Variants in ITGA2 observed in about 807,000 individuals in gnomAD.
ITGA2 encodes the protein integrin subunit alpha 2.
ITGA2 carries 101 observed loss-of-function variants against 146.3 expected under a neutral mutation model. The observed-to-expected ratio is 0.69, with a 90% CI of 0.59 to 0.81. ITGA2 has a LOEUF of 0.81. ITGA2 is among the 40% of genes least tolerant of loss of function. The pLI, the probability that ITGA2 is intolerant of heterozygous loss-of-function variation, is 0.00. For synonymous variants in ITGA2, 477 were observed against 487.1 expected (o/e 0.98, Z 0.27); for missense variants, 1,281 against 1,402.7 (o/e 0.91, Z 1.39).
chr5:52,995,216 C>A (rs1741176185), intron 1 of ITGA2, among the ~76,000 whole-genome samples: 3 of 152,092 alleles, frequency 2.0e-5, no homozygotes, highest in Admixed American at 2.0e-4. Context: ...TGATATAGAG[C>A]AGGGGTTTTA....
chr5:53,065,610 A>T (rs1356973607), intron 14 of ITGA2, among the ~76,000 whole-genome samples: 1 of 151,870 alleles, frequency 6.6e-6, no homozygotes, highest in African/African-American at 2.4e-5. Context: ...TCACTGGTTT[A>T]TGATTTTTTA....
chr5:53,072,186 A>G (rs1745430605), intron 18 of ITGA2, 138 bp downstream of exon 18: 4 of 708,926 alleles, frequency 5.6e-6, no homozygotes, highest in Non-Finnish European at 1.0e-5. Flanking sequence ...ATATGCATAA[A>G]GTTCACTAAC....
intron 2 of ITGA2, among the ~76,000 whole-genome samples, chr5:53,027,530 C>G (rs2111819323): frequency 6.6e-6 from 1 of 152,288 alleles, no homozygotes; most frequent in Admixed American, 6.5e-5. Flanking sequence ...AAATCTAGTT[C>G]CCATAATACT....
At chr5:53,064,493 T>C (rs1745056694) in intron 13 of ITGA2, among the ~76,000 whole-genome samples, 1 of 151,932 alleles carries the variant, frequency 6.6e-6, no homozygotes, top group Non-Finnish European at 1.5e-5. Context: ...AAAAAATTAG[T>C]TTGGTCATCG....
intron 4 of ITGA2, 52 bp downstream of exon 4, chr5:53,045,144 G>C (rs1451034616): frequency 7.5e-7 from 1 of 1,338,392 alleles, no homozygotes; most frequent in African/African-American, 1.4e-5. Context: ...TACATAGACA[G>C]TAGTGTCTTC....
rs3212483 is a variant in ITGA2, at chr5:53,048,071, C to T, written c.388-292C>T. 0.25 allele frequency among the ~76,000 whole-genome samples: 37,653 copies of T among 151,972 alleles called. 5,575 individuals are homozygous for T. The highest frequency in any genetic ancestry group is 0.33 in the South Asian group (1,594 of 4,822). ...TTGGTGTTCTCTGGAAGGAAAGCAC[C>T]TGTTTTATCTAGCTTGTTGGGAGAC... On this transcript the variant is annotated intron_variant, in intron 4 of 29. Coordinates refer to ENST00000296585, the MANE Select transcript of ITGA2 (RefSeq NM_002203.4).
At position 53,017,565 on chromosome 5, in the gene ITGA2, A is replaced by G. The variant is rs117923096; in HGVS notation, c.65-9183A>G. On this transcript the variant is annotated intron_variant, in intron 1 of 29. Transcript: ENST00000296585. ...GGCAGCAGGATCCATCGTCACTTTTATGTGACAGCAGCTGTGGCAGCATGG... is the reference window on the plus strand; with the variant it reads ...GGCAGCAGGATCCATCGTCACTTTTGTGTGACAGCAGCTGTGGCAGCATGG... Among the ~76,000 whole-genome samples, 29 of 152,270 alleles carry G rather than the reference A, an allele frequency of 1.9e-4. No individual in the cohort carries two copies. In the East Asian group the frequency reaches 4.6e-3, roughly 24 times the overall value.
intron 26 of ITGA2, among the ~76,000 whole-genome samples, chr5:53,083,096 T>C (rs1298083678): frequency 6.6e-6 from 1 of 152,120 alleles, no homozygotes; most frequent in Admixed American, 6.6e-5. Flanking sequence ...GATTATCTCC[T>C]GAGGCTATCT....
intron 23 of ITGA2, among the ~76,000 whole-genome samples, chr5:53,076,533 T>A (rs1745670256): frequency 2.0e-5 from 3 of 151,994 alleles, no homozygotes; most frequent in Admixed American, 2.0e-4. Flanking sequence ...GATCCCCACT[T>A]GCTAAAATAA....
chr5:53,033,139 G>C (rs1175944419), intron 2 of ITGA2, among the ~76,000 whole-genome samples: 1 of 152,060 alleles, frequency 6.6e-6, no homozygotes, highest in Non-Finnish European at 1.5e-5. Flanking sequence ...CGTGGTGGCA[G>C]GCACCTGTAA....
chr5:52,992,921 C>A (rs1292360544), intron 1 of ITGA2, among the ~76,000 whole-genome samples: 1 of 152,044 alleles, frequency 6.6e-6, no homozygotes, highest in East Asian at 1.9e-4. Context: ...CACACATGCC[C>A]ACACATGTAC....
chr5:53,077,793 G>T (rs1184464557), intron 23 of ITGA2, among the ~76,000 whole-genome samples: 1 of 152,062 alleles, frequency 6.6e-6, no homozygotes, highest in South Asian at 2.1e-4. Flanking sequence ...GGAAAGACAA[G>T]GTTTTAGTAA....
chr5:53,005,253 G>T (rs147068965), intron 1 of ITGA2, among the ~76,000 whole-genome samples: 1 of 151,936 alleles, frequency 6.6e-6, no homozygotes, highest in Non-Finnish European at 1.5e-5. Flanking sequence ...ATGCAGCAAC[G>T]TGTCATCCTC....
rs192680992 is a variant in ITGA2, at chr5:52,993,924, G to T, written c.64+4392G>T. 1.1e-3 allele frequency among the ~76,000 whole-genome samples: 161 copies of T among 152,292 alleles called. 1 individual carries two copies. The Middle Eastern group carries it at 0.024, about 23-fold the overall frequency. The stretch of plus-strand genomic sequence containing the variant: ...TCACCGCTCTGATTGGCAAGTGAAA[G>T]AAATGGAAGGTTGGTGGAGTTCTTT... On this transcript the variant is annotated intron_variant, in intron 1 of 29. Transcript: ENST00000296585.
At chr5:53,078,373 C>A (rs1354199294) in intron 23 of ITGA2, among the ~76,000 whole-genome samples, 3 of 152,090 alleles carry the variant, frequency 2.0e-5, no homozygotes, top group Non-Finnish European at 4.4e-5. Flanking sequence ...GTGAAAACCC[C>A]TGGCTTATAA....
At chr5:53,046,471 G>A (rs2111904168) in intron 4 of ITGA2, among the ~76,000 whole-genome samples, 1 of 151,932 alleles carries the variant, frequency 6.6e-6, no homozygotes, top group Non-Finnish European at 1.5e-5. Flanking sequence ...TATGGTTTAT[G>A]ATATTCCAAG....
In ITGA2 at chr5:53,022,208, A is replaced by ATT. The variant is rs11446528; in HGVS notation, c.65-4530_65-4529dup. ...CTTTTTCCTTTCTGAGTTTCACTGC[A>ATT]TTTTTTTTTTTGGGGGACAGGGTCT... On this transcript the variant is annotated intron_variant, in intron 1 of 29. Coordinates refer to ENST00000296585, the MANE Select transcript of ITGA2 (RefSeq NM_002203.4). Among the ~76,000 whole-genome samples, 762 of 113,536 alleles carry ATT rather than the reference A, an allele frequency of 6.7e-3. 6 individuals are homozygous for ATT. Among genetic ancestry groups the ATT allele is most frequent in the South Asian group, 0.036 (127 of 3,516 alleles). 74.5% of individuals were successfully genotyped at this position (113,536 alleles called of 152,430 possible).
intron 7 of ITGA2, among the ~76,000 whole-genome samples, chr5:53,052,538 C>G (rs1012817052): frequency 2.0e-5 from 3 of 151,926 alleles, no homozygotes; most frequent in African/African-American, 7.3e-5. Flanking sequence ...TTCTTTTTAC[C>G]ACCATAATTC....
chr5:53,019,790 T>G (rs2111782480), intron 1 of ITGA2, among the ~76,000 whole-genome samples: 1 of 152,290 alleles, frequency 6.6e-6, no homozygotes, highest in South Asian at 2.1e-4. Flanking sequence ...CCTCCCAAAG[T>G]ACTGGGATTA....
Sources: gnomAD v4.1 joint callset for allele counts (sites outside exome capture counted in the v4.1 genomes callset) on GRCh38, gnomAD v4.1.1 for gene constraint, MANE v1.5 for transcripts, NCBI Gene and HGNC (gene_info 2026-07-23, HGNC 2026-07-21) for gene names.